NCOA1: variants seen among roughly 807,000 people sequenced by gnomAD.
The protein encoded by NCOA1 is nuclear receptor coactivator 1.
NCOA1 carries 35 observed loss-of-function variants against 150.9 expected under a neutral mutation model. The observed-to-expected ratio is 0.23, with a 90% CI of 0.18 to 0.31. The LOEUF (loss-of-function observed/expected upper bound fraction) is 0.31, where lower values mean the gene tolerates loss of function less well. Among genes scored for constraint, NCOA1 ranks in the 10% least tolerant of loss-of-function variants. NCOA1 has a pLI of 1.00. For missense variants in NCOA1, 1,491 were observed against 1,749.3 expected, an observed-to-expected ratio of 0.85 and a Z score of 2.63; for synonymous variants, 590 against 630.0, an observed-to-expected ratio of 0.94 and a Z score of 0.95.
At chr2:24,623,613 G>A (rs962515189) in intron 3 of NCOA1, among the ~76,000 whole-genome samples, 2 of 152,180 alleles carry the variant, frequency 1.3e-5, no homozygotes, top group Admixed American at 1.3e-4. Flanking sequence ...GACTGCCATA[G>A]CAGAATACCA....
chr2:24,739,331 C>T, intron 17 of NCOA1, 101 bp from the exon 18 acceptor site: 1 of 854,002 alleles, frequency 1.2e-6, no homozygotes, highest in Non-Finnish European at 1.9e-6. Flanking sequence ...ACCTGCAACA[C>T]TAAAACTTTT....
chr2:24,592,146 C>T (rs186871011), intron 3 of NCOA1, among the ~76,000 whole-genome samples: 28 of 152,170 alleles, frequency 1.8e-4, no homozygotes, highest in African/African-American at 4.1e-4. Flanking sequence ...TTTGAAAAGA[C>T]GAGCATTTGA....
At chr2:24,677,349 CA>C (rs540900467) in intron 7 of NCOA1, among the ~76,000 whole-genome samples, 2 of 151,556 alleles carry the variant, frequency 1.3e-5, no homozygotes, top group African/African-American at 4.8e-5. Context: ...GTCTCAAAAA[CA>C]AAAAAACAAA....
chr2:24,707,219 A>G lies in NCOA1; in HGVS notation c.1749A>G (p.Lys583=), dbSNP rs1241879149. ...TACAACCAGCAAAAGCTGAGTCCAA[A>G]GATAACAAAGAGATTGCCTCAATTT... ...LNIQPAKAES[K]DNKEIASILN... is the part of the protein sequence containing the mutation. The change falls in exon 13 of 23, where the codon AAA becomes AAG. Residue 583 remains lysine (K), a synonymous_variant. Transcript: ENST00000348332. 3.1e-6 allele frequency: 5 copies of G among 1,614,190 alleles called. No individual in the cohort carries two copies. The highest frequency in any genetic ancestry group is 4.2e-6 in the Non-Finnish European group (5 of 1,180,034).
At chr2:24,554,463 AG>A (rs898770114) in intron 1 of NCOA1, 2 of 152,102 alleles carry the variant, frequency 1.3e-5, no homozygotes, top group African/African-American at 4.8e-5. Flanking sequence ...GGGACTTCGG[AG>A]AGGAAAAGAG....
chr2:24,702,661 G>T (rs1673220525), intron 11 of NCOA1, among the ~76,000 whole-genome samples: 1 of 152,196 alleles, frequency 6.6e-6, no homozygotes, highest in African/African-American at 2.4e-5. Context: ...GGATTCTGAG[G>T]TGTCAATAAT....
At chr2:24,687,751 T>C (rs1672475829) in intron 8 of NCOA1, among the ~76,000 whole-genome samples, 1 of 152,078 alleles carries the variant, frequency 6.6e-6, no homozygotes, top group Non-Finnish European at 1.5e-5. Context: ...TTCACCTCTC[T>C]CCCTCAACAC....
At chr2:24,624,512 TTC>T (rs1244390558) in intron 3 of NCOA1, among the ~76,000 whole-genome samples, 1 of 152,200 alleles carries the variant, frequency 6.6e-6, no homozygotes, top group African/African-American at 2.4e-5. Flanking sequence ...TTTCAATAGA[TTC>T]TCTGCCCCTG....
chr2:24,556,232 A>G (rs1008009740), intron 1 of NCOA1, among the ~76,000 whole-genome samples: 1 of 152,304 alleles, frequency 6.6e-6, no homozygotes, highest in Non-Finnish European at 1.5e-5. Flanking sequence ...CCCAATTACA[A>G]GTGAGAACAT....
intron 11 of NCOA1, among the ~76,000 whole-genome samples, chr2:24,701,749 G>A (rs564545017): frequency 1.3e-5 from 2 of 152,148 alleles, no homozygotes; most frequent in South Asian, 4.1e-4. Context: ...GGTGGCTCAC[G>A]CCAGTAATCC....
chr2:24,592,736 T>C (rs1667710725), intron 3 of NCOA1, among the ~76,000 whole-genome samples: 1 of 152,048 alleles, frequency 6.6e-6, no homozygotes, highest in Admixed American at 6.6e-5. Context: ...CTGAGGTTTT[T>C]TTCCCCCCTG....
intron 4 of NCOA1, among the ~76,000 whole-genome samples, chr2:24,648,962 G>A (rs1042068949): frequency 6.6e-6 from 1 of 152,000 alleles, no homozygotes; most frequent in Non-Finnish European, 1.5e-5. Flanking sequence ...TGGATTATCT[G>A]TATCTAATGC....
Position 24,729,679 on chromosome 2 carries a change from C to G in NCOA1, c.3065C>G (p.Pro1022Arg), listed in dbSNP as rs763338765. 2 of 1,614,186 alleles carry G rather than the reference C, an allele frequency of 1.2e-6. No homozygotes were observed. Among genetic ancestry groups the G allele is most frequent in the Non-Finnish European group, 1.7e-6 (2 of 1,180,030 alleles). Residue 1022 changes from proline to arginine, a missense_variant, in exon 17 of 23, where the codon CCT becomes CGT. Transcript: ENST00000348332. ...VRQKPSLGTM[P>R]VQVTPPRGAF... ...CAAAAACCTTCACTGGGGACGATGCCTGTTCAAGTAACACCTCCCCGAGGT... is the reference window on the plus strand; with the variant it reads ...CAAAAACCTTCACTGGGGACGATGCGTGTTCAAGTAACACCTCCCCGAGGT...
At position 24,706,469 on chromosome 2, in the gene NCOA1, T is replaced by C. The variant is rs1673436263; in HGVS notation, c.1098-99T>C. On this transcript the variant is annotated intron_variant, in intron 12 of 22. Transcript: ENST00000348332. Reference sequence around the variant, plus strand: ...GCTCTTTACTTGATAGCTTGCAATATTAATGAGATCAATGGTCTTGTTTTA... The same window carrying C: ...GCTCTTTACTTGATAGCTTGCAATACTAATGAGATCAATGGTCTTGTTTTA... 3.8e-6 allele frequency: 5 copies of C among 1,328,692 alleles called. No individual in the cohort carries two copies. In the East Asian group the frequency reaches 1.0e-4, roughly 27 times the overall value. 82.3% of individuals were successfully genotyped at this position (1,328,692 alleles called of 1,614,324 possible).
In NCOA1 at chr2:24,768,516, C is replaced by CAAA. The variant is rs772970404; in HGVS notation, c.*148_*150dup. 1,674 of 55,062 alleles carry CAAA rather than the reference C, an allele frequency of 0.03. 48 individuals carry two copies. Among genetic ancestry groups the CAAA allele is most frequent in the East Asian group, 0.048 (173 of 3,620 alleles). The allele number at this position is 55,062 out of a possible 1,614,324, so 3.4% of individuals were successfully genotyped here. On this transcript the variant is annotated 3_prime_UTR_variant, in exon 23 of 23. Transcript: ENST00000348332. ...ATTCTTCAGGTCGTAGCATTTGGAG[C>CAAA]AAAAAAAAAAAAAAAAAAAAAAAAA... is the stretch of plus-strand genomic sequence containing the variant.
At chr2:24,706,026 A>G (rs74595765) in intron 12 of NCOA1, among the ~76,000 whole-genome samples, 1 of 152,098 alleles carries the variant, frequency 6.6e-6, no homozygotes, top group Non-Finnish European at 1.5e-5. Flanking sequence ...TTTCTCTTTC[A>G]AAACATCTGC....
At chr2:24,499,539 T>G (rs1402080248) in intron 1 of NCOA1, among the ~76,000 whole-genome samples, 1 of 152,216 alleles carries the variant, frequency 6.6e-6, no homozygotes, top group Admixed American at 6.5e-5. Context: ...ACTTTTTTTT[T>G]TAAGCAGTAA....
At chr2:24,688,573 G>A (rs1329260343) in intron 8 of NCOA1, among the ~76,000 whole-genome samples, 3 of 152,090 alleles carry the variant, frequency 2.0e-5, no homozygotes, top group African/African-American at 4.8e-5. Context: ...GTCTGTTGAT[G>A]TCCTTTGCCC....
Position 24,697,756 on chromosome 2 carries a change from CAGG to C in NCOA1, c.908_910del (p.Gln303_Gly304delinsArg). The C allele has an allele frequency of 6.2e-7, 1 of 1,613,892 alleles. No homozygotes were observed. Among genetic ancestry groups the C allele is most frequent in the Non-Finnish European group, 8.5e-7 (1 of 1,179,838 alleles). ...GTGCATTTATGCTTTTTTCCAACCT[CAGG>C]GCAGAGAACCATCTTATGCCAGACA... On this transcript the variant is annotated inframe_deletion, in exon 11 of 23. Coordinates refer to ENST00000348332, the MANE Select transcript of NCOA1 (RefSeq NM_003743.5).
Sources: allele counts gnomAD v4.1 joint callset (sites outside exome capture counted in the v4.1 genomes callset), GRCh38; gene constraint gnomAD v4.1.1; transcripts MANE v1.5; gene names NCBI Gene and HGNC (gene_info 2026-07-23, HGNC 2026-07-21).